Variants in KCNAB1 observed in about 807,000 individuals in gnomAD.
KCNAB1 encodes voltage-gated potassium channel subunit beta-1.
In KCNAB1, 35 loss-of-function variants were observed where a neutral mutation model predicts 64.6. The observed-to-expected ratio is 0.54, with a 90% confidence interval of 0.41 to 0.72. KCNAB1 has a LOEUF of 0.72. KCNAB1 is among the 30% of genes least tolerant of loss of function. KCNAB1 has a pLI of 0.00. For missense variants in KCNAB1, 401 were observed against 512.9 expected, an observed-to-expected ratio of 0.78 and a Z score of 2.11; for synonymous variants, 177 against 183.8, an observed-to-expected ratio of 0.96 and a Z score of 0.30.
intron 1 of KCNAB1, among the ~76,000 whole-genome samples, chr3:156,138,288 G>A (rs910422402): frequency 5.3e-5 from 8 of 152,206 alleles, no homozygotes; most frequent in African/African-American, 1.9e-4. Flanking sequence ...ACGTGAACAA[G>A]AGCAGAAAGA....
intron 1 of KCNAB1, among the ~76,000 whole-genome samples, chr3:156,125,284 T>G (rs1713589722): frequency 6.6e-6 from 1 of 152,042 alleles, no homozygotes; most frequent in Non-Finnish European, 1.5e-5. Context: ...ATGAAGAAAA[T>G]TAAGGATGGA....
intron 1 of KCNAB1, among the ~76,000 whole-genome samples, chr3:156,168,222 A>T (rs1438780159): frequency 6.6e-6 from 1 of 151,666 alleles, no homozygotes; most frequent in Admixed American, 6.6e-5. Flanking sequence ...CGCCCCCCAA[A>T]AAAGTAAGTC....
At chr3:156,122,466 T>C (rs1713406711) in intron 1 of KCNAB1, among the ~76,000 whole-genome samples, 1 of 152,220 alleles carries the variant, frequency 6.6e-6, no homozygotes, top group African/African-American at 2.4e-5. Flanking sequence ...CAGAGTGGCA[T>C]ATTAGTTAAG....
In KCNAB1 at chr3:156,465,679, T is replaced by A. The variant is rs1559898795; in HGVS notation, c.564T>A (p.Ile188=). The A allele has an allele frequency of 6.2e-7, 1 of 1,613,044 alleles. No homozygotes were observed. The highest frequency in any genetic ancestry group is 8.5e-7 in the Non-Finnish European group (1 of 1,179,122). The part of the protein sequence containing the change: ...ETERGLSRKH[I]IEGLKGSLQR... ...AAAGAGGGCTGTCAAGAAAGCATAT[T>A]ATTGAAGGTGGGTACTTCTGCTTCA... The change falls in exon 7 of 14, where the codon ATT becomes ATA. Residue 188 remains isoleucine, a synonymous_variant. Coordinates refer to ENST00000490337, the MANE Select transcript of KCNAB1 (RefSeq NM_172160.3).
At chr3:156,327,106 C>T (rs960034520) in intron 1 of KCNAB1, among the ~76,000 whole-genome samples, 20 of 152,190 alleles carry the variant, frequency 1.3e-4, no homozygotes, top group East Asian at 1.2e-3. Flanking sequence ...TTAAGGCAAA[C>T]GTAAGAGCAA....
At chr3:156,225,353 T>C (rs1426939181) in intron 1 of KCNAB1, among the ~76,000 whole-genome samples, 1 of 152,176 alleles carries the variant, frequency 6.6e-6, no homozygotes, top group Non-Finnish European at 1.5e-5. Flanking sequence ...GAAAAAGCAT[T>C]TGACAAAAAT....
chr3:156,194,414 A>G (rs915823833), intron 1 of KCNAB1, among the ~76,000 whole-genome samples: 14 of 152,154 alleles, frequency 9.2e-5, no homozygotes, highest in African/African-American at 2.6e-4. Context: ...TCTGGCTTAC[A>G]TTGTTTCCTG....
intron 1 of KCNAB1, among the ~76,000 whole-genome samples, chr3:156,189,839 G>C (rs900594762): frequency 6.6e-6 from 1 of 152,162 alleles, no homozygotes; most frequent in Non-Finnish European, 1.5e-5. Flanking sequence ...AGGTCATTTT[G>C]TTGGGTCAGG....
intron 8 of KCNAB1, 66 bp from the exon 9 acceptor site, chr3:156,514,298 G>T: frequency 1.6e-6 from 2 of 1,285,908 alleles, no homozygotes; most frequent in South Asian, 2.4e-5. Flanking sequence ...GGCTAGAGGA[G>T]TAAAAATCGC....
At chr3:156,359,431 T>A (rs754654496) in intron 1 of KCNAB1, among the ~76,000 whole-genome samples, 2 of 152,182 alleles carry the variant, frequency 1.3e-5, no homozygotes, top group African/African-American at 2.4e-5. Flanking sequence ...CATAACCCAT[T>A]GCCACTGGTT....
chr3:156,357,288 A>G (rs536457551), intron 1 of KCNAB1, among the ~76,000 whole-genome samples: 1 of 152,316 alleles, frequency 6.6e-6, no homozygotes, highest in Admixed American at 6.5e-5. Context: ...TTGCTGGTCA[A>G]AAAATAGGCT....
In KCNAB1 at chr3:156,324,424, GC is replaced by G. The variant is rs1203772812; in HGVS notation, c.276-97189del. On this transcript the variant is annotated intron_variant, in intron 1 of 13. Coordinates refer to ENST00000490337, the MANE Select transcript of KCNAB1 (RefSeq NM_172160.3). ...TTTCACTCATCTCCAGGGAAATGTTGCCCATGTATGTTTCCCATGAATCGGT... is the reference window on the plus strand; with the variant it reads ...TTTCACTCATCTCCAGGGAAATGTTGCCATGTATGTTTCCCATGAATCGGT... 2.0e-5 allele frequency among the ~76,000 whole-genome samples: 3 copies of G among 152,256 alleles called. No individual in the cohort carries two copies. The South Asian group carries it at 6.2e-4, about 32-fold the overall frequency.
At chr3:156,374,102 T>A (rs1363246419) in intron 1 of KCNAB1, among the ~76,000 whole-genome samples, 2 of 152,154 alleles carry the variant, frequency 1.3e-5, no homozygotes, top group Non-Finnish European at 2.9e-5. Flanking sequence ...CCTTCTAGAG[T>A]TATTGTGAAT....
chr3:156,285,006 C>A (rs1720015599), intron 1 of KCNAB1, among the ~76,000 whole-genome samples: 1 of 152,142 alleles, frequency 6.6e-6, no homozygotes. Flanking sequence ...ATACTTTAAC[C>A]AATTTTTTTC....
At chr3:156,287,122 A>C (rs1720139398) in intron 1 of KCNAB1, among the ~76,000 whole-genome samples, 3 of 152,244 alleles carry the variant, frequency 2.0e-5, no homozygotes, top group Admixed American at 1.3e-4. Context: ...AAGTCCTTTG[A>C]GTTACCATGA....
intron 7 of KCNAB1, among the ~76,000 whole-genome samples, chr3:156,469,716 GT>G (rs1238511654): frequency 6.6e-6 from 1 of 152,170 alleles, no homozygotes; most frequent in Non-Finnish European, 1.5e-5. Flanking sequence ...TTGTTATTAT[GT>G]TGGTGGTGGT....
intron 1 of KCNAB1, among the ~76,000 whole-genome samples, chr3:156,301,276 G>T (rs1353513625): frequency 6.6e-6 from 1 of 151,898 alleles, no homozygotes; most frequent in Non-Finnish European, 1.5e-5. Flanking sequence ...AATCAACTGC[G>T]TAAATAACAT....
At chr3:156,483,120 T>C (rs937897856) in intron 8 of KCNAB1, among the ~76,000 whole-genome samples, 3 of 152,112 alleles carry the variant, frequency 2.0e-5, no homozygotes, top group Non-Finnish European at 4.4e-5. Flanking sequence ...ACCTGTTCTC[T>C]CTATCTACCA....
In KCNAB1 at chr3:156,124,905, C is replaced by T. The variant is rs567005559; in HGVS notation, c.275+4019C>T. The stretch of plus-strand genomic sequence containing the variant: ...CTGTAATACCAGCACTTTGGGAGGC[C>T]GAGGCAGGTAGATCACAAGGTCAGG... On this transcript the variant is annotated intron_variant, in intron 1 of 13. Coordinates refer to ENST00000490337, the MANE Select transcript of KCNAB1 (RefSeq NM_172160.3). 5.6e-3 allele frequency among the ~76,000 whole-genome samples: 857 copies of T among 152,002 alleles called. 9 individuals are homozygous for T. The highest frequency in any genetic ancestry group is 0.019 in the African/African-American group (798 of 41,458).
Sources: gnomAD v4.1 joint callset for allele counts (sites outside exome capture counted in the v4.1 genomes callset) on GRCh38, gnomAD v4.1.1 for gene constraint, MANE v1.5 for transcripts, NCBI Gene and HGNC (gene_info 2026-07-23, HGNC 2026-07-21) for gene names.